BNC2: variants seen among roughly 807,000 people sequenced by gnomAD.
The protein encoded by BNC2 is basonuclin zinc finger protein 2, also known as zinc finger protein basonuclin-2.
BNC2 carries 20 observed loss-of-function variants against 76.3 expected under a neutral mutation model. The ratio of observed to expected loss-of-function variants is 0.26; its 90% CI spans 0.18 to 0.38. The LOEUF (loss-of-function observed/expected upper bound fraction) is 0.38, where lower values mean the gene tolerates loss of function less well. Among genes scored for constraint, BNC2 ranks in the 10% least tolerant of loss-of-function variants. The pLI is 1.00. For missense variants in BNC2, 1,382 were observed against 1,399.8 expected (o/e 0.99, Z 0.20); for synonymous variants, 582 against 514.8 (o/e 1.13, Z -1.77).
Position 16,414,456 on chromosome 9 carries a change from T to C in BNC2, c.*4533A>G, listed in dbSNP as rs1563771132. The C allele has an allele frequency of 6.6e-6, 1 of 152,186 alleles. No individual in the cohort carries two copies. Among genetic ancestry groups the C allele is most frequent in the Non-Finnish European group, 1.5e-5 (1 of 68,032 alleles). 9.4% of individuals were successfully genotyped at this position (152,186 alleles called of 1,614,324 possible). A position where few individuals can be genotyped will look rare whatever the true frequency, so the allele number is the denominator to read the frequency against. ...GAGAGGGAAAAGCAAAACCACCTAA[T>C]TTAAATACTTCAAGTTTGGGAGAAG... On this transcript the variant is annotated 3_prime_UTR_variant, in exon 7 of 7. Coordinates refer to ENST00000380672, the MANE Select transcript of BNC2 (RefSeq NM_017637.6).
intron 3 of BNC2, among the ~76,000 whole-genome samples, chr9:16,637,287 C>T (rs751097174): frequency 6.6e-6 from 1 of 152,086 alleles, no homozygotes. Flanking sequence ...AAGCAAACTG[C>T]CCCCTTTACT....
intron 5 of BNC2, among the ~76,000 whole-genome samples, chr9:16,441,903 A>C (rs1821136452): frequency 6.6e-6 from 1 of 152,246 alleles, no homozygotes; most frequent in Non-Finnish European, 1.5e-5. Flanking sequence ...AAACACTAAT[A>C]AAACAAAAAT....
At chr9:16,633,172 A>G (rs1011259808) in intron 3 of BNC2, among the ~76,000 whole-genome samples, 1 of 152,200 alleles carries the variant, frequency 6.6e-6, no homozygotes, top group African/African-American at 2.4e-5. Flanking sequence ...AACGAAGAGC[A>G]GTTAGTTATA....
intron 1 of BNC2, among the ~76,000 whole-genome samples, chr9:16,767,165 A>G (rs896015509): frequency 6.6e-6 from 1 of 152,204 alleles, no homozygotes; most frequent in African/African-American, 2.4e-5. Flanking sequence ...TCAGCCCAGA[A>G]AGCCAGATGG....
intron 3 of BNC2, among the ~76,000 whole-genome samples, chr9:16,635,731 A>G (rs1020577823): frequency 1.3e-5 from 2 of 152,262 alleles, no homozygotes; most frequent in Non-Finnish European, 2.9e-5. Context: ...ATTTCTAGAT[A>G]CGATCTATAA....
chr9:16,853,148 T>G (rs934524978), intron 1 of BNC2, among the ~76,000 whole-genome samples: 1 of 152,184 alleles, frequency 6.6e-6, no homozygotes, highest in African/African-American at 2.4e-5. Flanking sequence ...CAGGATACAG[T>G]GGCTCACGCC....
At chr9:16,681,327 T>C (rs1822814507) in intron 3 of BNC2, among the ~76,000 whole-genome samples, 1 of 152,188 alleles carries the variant, frequency 6.6e-6, no homozygotes, top group Non-Finnish European at 1.5e-5. Flanking sequence ...AAACATTTTA[T>C]CGGAGGGGAA....
chr9:16,556,159 G>A (rs1818825081), intron 4 of BNC2, among the ~76,000 whole-genome samples: 1 of 152,048 alleles, frequency 6.6e-6, no homozygotes, highest in Admixed American at 6.6e-5. Flanking sequence ...TATTAGGCAG[G>A]CATACCTGTA....
chr9:16,528,702 C>T (rs1285225439), intron 5 of BNC2, among the ~76,000 whole-genome samples: 1 of 152,174 alleles, frequency 6.6e-6, no homozygotes, highest in East Asian at 1.9e-4. Flanking sequence ...TTTCCTACAA[C>T]AGTGTTTGAA....
chr9:16,694,965 G>T (rs1259126222), intron 3 of BNC2, among the ~76,000 whole-genome samples: 1 of 152,216 alleles, frequency 6.6e-6, no homozygotes, highest in Non-Finnish European at 1.5e-5. Context: ...GGTAAAAAGT[G>T]AATGTAAACC....
intron 5 of BNC2, among the ~76,000 whole-genome samples, chr9:16,464,574 T>C (rs925194488): frequency 6.6e-6 from 1 of 151,604 alleles, no homozygotes; most frequent in African/African-American, 2.4e-5. Context: ...TAATATAAGA[T>C]TAAATATTTC....
chr9:16,569,112 T>A (rs10123480), intron 4 of BNC2, among the ~76,000 whole-genome samples: 16,353 of 147,360 alleles, frequency 0.11, 1,415 homozygotes, highest in African/African-American at 0.26. Flanking sequence ...CAAAGGGTTT[T>A]TTTTTTTTTC....
intron 1 of BNC2, among the ~76,000 whole-genome samples, chr9:16,777,672 G>A (rs1296105289): frequency 7.0e-6 from 1 of 142,300 alleles, no homozygotes; most frequent in African/African-American, 2.6e-5. Context: ...CTGCATTCCA[G>A]CCTTGGCGAC....
intron 1 of BNC2, among the ~76,000 whole-genome samples, chr9:16,843,890 C>T (rs1818895897): frequency 1.3e-5 from 2 of 152,204 alleles, no homozygotes; most frequent in South Asian, 4.1e-4. Context: ...AATGCCAGAA[C>T]TGATAATGCC....
In BNC2 at chr9:16,612,029, T is replaced by C. The variant is rs190102146; in HGVS notation, c.331-28944A>G. ...ATTCTATTAGTTAATTTGTAAGAGG[T>C]AGAAGAGAGAACAGAGATCTAACAC... On this transcript the variant is annotated intron_variant, in intron 3 of 6. Coordinates refer to ENST00000380672, the MANE Select transcript of BNC2 (RefSeq NM_017637.6). Among the ~76,000 whole-genome samples the C allele has an allele frequency of 9.3e-3, 1,206 of 129,088 alleles. 16 individuals carry two copies. Among genetic ancestry groups the C allele is most frequent in the African/African-American group, 0.04 (1,140 of 28,466 alleles). The allele number at this position is 129,088 out of a possible 152,430, so 84.7% of individuals were successfully genotyped here.
chr9:16,563,888 G>T (rs1819088245), intron 4 of BNC2, among the ~76,000 whole-genome samples: 1 of 152,090 alleles, frequency 6.6e-6, no homozygotes, highest in African/African-American at 2.4e-5. Flanking sequence ...CCCACTTTAT[G>T]TTTAACAAAT....
intron 1 of BNC2, among the ~76,000 whole-genome samples, chr9:16,804,432 T>C (rs992432161): frequency 3.3e-5 from 5 of 152,326 alleles, no homozygotes; most frequent in African/African-American, 1.2e-4. Context: ...TAGACTCCAC[T>C]GTCTTAGTAT....
At chr9:16,611,899 G>A (rs1383927460) in intron 3 of BNC2, among the ~76,000 whole-genome samples, 2 of 151,882 alleles carry the variant, frequency 1.3e-5, no homozygotes, top group African/African-American at 2.4e-5. Flanking sequence ...TAAATAACTC[G>A]AGGAAGAACA....
In BNC2 at chr9:16,847,655, TC is replaced by T. The variant is rs1819021595; in HGVS notation, c.3+22990del. On this transcript the variant is annotated intron_variant, in intron 1 of 6. Transcript: ENST00000380672. ...AGCTTGTCCGAGATATATCAAGATA[TC>T]CCCAAACCATAACCATTGAGCAAGG... Among the ~76,000 whole-genome samples the T allele has an allele frequency of 2.6e-5, 4 of 152,146 alleles. No homozygotes were observed. The South Asian group carries it at 8.3e-4, about 32-fold the overall frequency.
Sources: allele counts gnomAD v4.1 joint callset (sites outside exome capture counted in the v4.1 genomes callset), GRCh38; gene constraint gnomAD v4.1.1; transcripts MANE v1.5; gene names NCBI Gene and HGNC (gene_info 2026-07-23, HGNC 2026-07-21).